CUBN: variants seen among roughly 807,000 people sequenced by gnomAD.
CUBN encodes 460 kDa receptor.
In CUBN, 282 loss-of-function variants were observed where a neutral mutation model predicts 405.3. That is an observed-to-expected ratio of 0.70 (90% CI 0.63 to 0.77). The LOEUF is 0.77. Ranked by LOEUF, CUBN falls within the 30% of genes least tolerant of loss-of-function variation. The pLI is 0.00. For missense variants in CUBN, 4,514 were observed against 4,475.2 expected, an observed-to-expected ratio of 1.01 and a Z score of -0.25; for synonymous variants, 1,684 against 1,617.0, an observed-to-expected ratio of 1.04 and a Z score of -0.99.
chr10:16,941,491 A>G (rs74829232), intron 36 of CUBN, among the ~76,000 whole-genome samples: 2,598 of 152,294 alleles, frequency 0.017, 70 homozygotes, highest in African/African-American at 0.058. Flanking sequence ...CACTAACCAC[A>G]AGATAAAAAA....
At chr10:16,945,782 A>G (rs1842762260) in intron 36 of CUBN, among the ~76,000 whole-genome samples, 2 of 151,544 alleles carry the variant, frequency 1.3e-5, no homozygotes, top group African/African-American at 4.8e-5. Context: ...AAAAAAAAAA[A>G]AAAAAAAAGA....
At chr10:16,896,794 T>A (rs1250186464) in intron 54 of CUBN, among the ~76,000 whole-genome samples, 6 of 152,220 alleles carry the variant, frequency 3.9e-5, no homozygotes, top group Non-Finnish European at 7.3e-5. Flanking sequence ...GAATGTTGAA[T>A]CTTTTGTTAC....
intron 48 of CUBN, among the ~76,000 whole-genome samples, chr10:16,909,070 A>G (rs1003578442): frequency 1.3e-5 from 2 of 151,396 alleles, no homozygotes; most frequent in Non-Finnish European, 2.9e-5. Context: ...TATTTTTAGT[A>G]GAGACGGGGT....
chr10:17,128,372 T>C (rs1423138080), intron 2 of CUBN, among the ~76,000 whole-genome samples: 2 of 152,188 alleles, frequency 1.3e-5, no homozygotes, highest in Admixed American at 6.5e-5. Flanking sequence ...ATCCATACGG[T>C]GCTAAGCACA....
chr10:16,981,178 G>GACACACACACACACACACACACAC (rs1401865880), intron 31 of CUBN, among the ~76,000 whole-genome samples: 2,338 of 145,292 alleles, frequency 0.016, 43 homozygotes, highest in Non-Finnish European at 0.025. Flanking sequence ...AGACTCAGCA[G>GACACACACACACACACACACACAC]ACACACACAC....
Position 17,088,224 on chromosome 10 carries a change from T to TA in CUBN, c.1886_1887insT (p.Phe630IlefsTer12). 1 of 1,613,858 alleles carries TA rather than the reference T, an allele frequency of 6.2e-7. No individual in the cohort carries two copies. The highest frequency in any genetic ancestry group is 8.5e-7 in the Non-Finnish European group (1 of 1,179,822). ...CGAGGCTCAAGGTCCCAAAAGTAAA[T>TA]GTTACCAGGAGGTCAGGACTAGTTA... is the stretch of plus-strand genomic sequence containing the variant. On this transcript the variant is annotated frameshift_variant, in exon 15 of 67. Coordinates refer to ENST00000377833, the MANE Select transcript of CUBN (RefSeq NM_001081.4). LOFTEE classifies it high-confidence loss of function.
At chr10:16,960,302 G>A (rs1588521964) in intron 31 of CUBN, among the ~76,000 whole-genome samples, 2 of 152,276 alleles carry the variant, frequency 1.3e-5, no homozygotes, top group African/African-American at 4.8e-5. Flanking sequence ...GACCAGTCTG[G>A]CCAACATGGT....
chr10:17,034,037 T>A (rs766006474), intron 27 of CUBN, among the ~76,000 whole-genome samples: 22 of 152,164 alleles, frequency 1.4e-4, no homozygotes, highest in Non-Finnish European at 3.2e-4. Flanking sequence ...CAACAAACTG[T>A]GATATAAGCA....
chr10:16,927,487 A>G (rs1258406006), intron 41 of CUBN, among the ~76,000 whole-genome samples: 1 of 152,204 alleles, frequency 6.6e-6, no homozygotes, highest in Non-Finnish European at 1.5e-5. Flanking sequence ...TGGAGGAAAT[A>G]TTAGATTAAT....
At chr10:17,070,945 T>C (rs1835725530) in intron 19 of CUBN, among the ~76,000 whole-genome samples, 1 of 152,216 alleles carries the variant, frequency 6.6e-6, no homozygotes, top group South Asian at 2.1e-4. Context: ...TTTGTGACCA[T>C]AGGGGCAAAG....
At chr10:17,005,861 T>C (rs532326810) in intron 28 of CUBN, among the ~76,000 whole-genome samples, 3 of 152,294 alleles carry the variant, frequency 2.0e-5, no homozygotes, top group African/African-American at 7.2e-5. Context: ...TCCTCGGGGA[T>C]AGGGCCTTTA....
In CUBN at chr10:16,906,238, T is replaced by A. The variant is rs2131435075; in HGVS notation, c.7877A>T (p.Gln2626Leu). ...HFEDFYLESH[Q>L]DCQFDVLEFR... Reference sequence around the variant, plus strand: ...CTCGAGGACATCAAATTGACAGTCTTGGTGACTTTCTAGGTAAAAATCTTC... The same window carrying A: ...CTCGAGGACATCAAATTGACAGTCTAGGTGACTTTCTAGGTAAAAATCTTC... The change falls in exon 50 of 67, where the codon CAA (glutamine) becomes CTA (leucine). Residue 2626 changes from glutamine (Q) to leucine (L), a missense_variant. Gln to Leu is a moderately radical substitution (Grantham distance 113). This residue lies in a region of CUBN where 25 missense variants were observed against 48.5 expected (regional missense o/e 0.52). Transcript: ENST00000377833. 6.2e-7 allele frequency: 1 copy of A among 1,614,120 alleles called. No individual in the cohort carries two copies. Among genetic ancestry groups the A allele is most frequent in the East Asian group, 2.2e-5 (1 of 44,880 alleles).
chr10:16,974,500 T>C (rs1027455998), intron 31 of CUBN, among the ~76,000 whole-genome samples: 6 of 151,638 alleles, frequency 4.0e-5, no homozygotes, highest in African/African-American at 1.5e-4. Flanking sequence ...CTTGGCTCAA[T>C]GCAAGCTCTG....
chr10:17,107,885 ATAAT>A (rs1836673881), intron 10 of CUBN, among the ~76,000 whole-genome samples: 1 of 152,188 alleles, frequency 6.6e-6, no homozygotes, highest in African/African-American at 2.4e-5. Flanking sequence ...TTTTAAATAA[ATAAT>A]TGCCTAGAAA....
rs569290239 is a variant in CUBN, at chr10:17,114,545, G to A, written c.721-356C>T. On this transcript the variant is annotated intron_variant, in intron 7 of 66. Coordinates refer to ENST00000377833, the MANE Select transcript of CUBN (RefSeq NM_001081.4). ...GCACAGACCTTGGAAAATCAATTCC[G>A]TTTGTTTTTCTTTGGAAAGTTCTTC... 6.6e-5 allele frequency among the ~76,000 whole-genome samples: 10 copies of A among 152,264 alleles called. No individual in the cohort carries two copies. In the South Asian group the frequency reaches 1.7e-3, roughly 25 times the overall value.
chr10:16,969,307 AGACTACT>A (rs998192323), intron 31 of CUBN, among the ~76,000 whole-genome samples: 1 of 152,202 alleles, frequency 6.6e-6, no homozygotes, highest in Non-Finnish European at 1.5e-5. Context: ...GGCGATATAA[AGACTACT>A]GCTGTGGGTT....
At chr10:17,071,192 A>G (rs565820240) in intron 19 of CUBN, among the ~76,000 whole-genome samples, 1 of 152,230 alleles carries the variant, frequency 6.6e-6, no homozygotes, top group South Asian at 2.1e-4. Flanking sequence ...CTGGGGTTTT[A>G]TATCAACCTA....
chr10:17,070,663 T>C (rs1214135268), intron 19 of CUBN, among the ~76,000 whole-genome samples: 1 of 152,198 alleles, frequency 6.6e-6, no homozygotes, highest in East Asian at 1.9e-4. Context: ...ATTTTCAAAT[T>C]GTTCATTGCT....
intron 26 of CUBN, among the ~76,000 whole-genome samples, chr10:17,043,406 A>C (rs1295152534): frequency 6.6e-6 from 1 of 152,202 alleles, no homozygotes; most frequent in African/African-American, 2.4e-5. Flanking sequence ...GTGATAGAAT[A>C]CTATGTACAT....
Sources: gnomAD v4.1 joint callset for allele counts (sites outside exome capture counted in the v4.1 genomes callset) on GRCh38, gnomAD v4.1.1 for gene constraint, gnomAD v4.1.1 regional missense constraint, MANE v1.5 for transcripts, NCBI Gene and HGNC (gene_info 2026-07-23, HGNC 2026-07-21) for gene names.